ANGPT2: variants seen among roughly 807,000 people sequenced by gnomAD.
ANGPT2 encodes angiopoietin-2.
Under a neutral mutation model 62.9 loss-of-function variants are expected in ANGPT2, and 28 were observed. That is an observed-to-expected ratio of 0.44 (90% confidence interval 0.33 to 0.61). The LOEUF (loss-of-function observed/expected upper bound fraction) is 0.61. Ranked by LOEUF, ANGPT2 falls within the 20% of genes least tolerant of loss-of-function variation. ANGPT2 has a pLI of 0.03. For missense variants in ANGPT2, 727 were observed against 594.9 expected (o/e 1.22, Z -2.31); for synonymous variants, 284 against 207.8 (o/e 1.37, Z -3.15).
chr8:6,552,307 A>G (rs1428168705), intron 1 of ANGPT2, among the ~76,000 whole-genome samples: 2 of 152,232 alleles, frequency 1.3e-5, no homozygotes, highest in Non-Finnish European at 2.9e-5. Flanking sequence ...GAATGTGGCC[A>G]TATTCACGCA....
intron 4 of ANGPT2, among the ~76,000 whole-genome samples, 186 bp downstream of exon 4, chr8:6,520,992 G>A (rs1362427588): frequency 1.3e-5 from 2 of 152,102 alleles, no homozygotes; most frequent in Non-Finnish European, 2.9e-5. Flanking sequence ...TGGGGTGTTT[G>A]CTTCATAATA....
At chr8:6,537,009 C>A (rs1308709455) in intron 1 of ANGPT2, among the ~76,000 whole-genome samples, 1 of 150,878 alleles carries the variant, frequency 6.6e-6, no homozygotes, top group Non-Finnish European at 1.5e-5. Flanking sequence ...GTAAATAAGC[C>A]ATCCTCCACT....
intron 1 of ANGPT2, among the ~76,000 whole-genome samples, chr8:6,532,840 C>T (rs192755114): frequency 5.1e-3 from 781 of 152,292 alleles, no homozygotes; most frequent in Non-Finnish European, 7.1e-3. Flanking sequence ...TGTGTCTGTC[C>T]TACCCAGCTG....
At position 6,502,854 on chromosome 8, in the gene ANGPT2, C is replaced by A; in HGVS notation, c.*247G>T. On this transcript the variant is annotated 3_prime_UTR_variant, in exon 9 of 9. Coordinates refer to ENST00000629816, the MANE Select transcript of ANGPT2 (RefSeq NM_001118887.2). ...TCAGTCTGATTCTCAGCCTCGGGTT[C>A]ATCTTTGCATAGGTGTTCTGTCTAA... The A allele has an allele frequency of 2.2e-6, 1 of 457,588 alleles. No homozygotes were observed. The highest frequency in any genetic ancestry group is 3.6e-5 in the East Asian group (1 of 27,644). The allele number at this position is 457,588 out of a possible 1,614,324, so 28.3% of individuals were successfully genotyped here.
In ANGPT2 at chr8:6,542,445, T is replaced by G. The variant is rs59497319; in HGVS notation, c.289-9958A>C. 2.4e-3 allele frequency among the ~76,000 whole-genome samples: 371 copies of G among 152,176 alleles called. 1 individual carries two copies. The highest frequency in any genetic ancestry group is 8.1e-3 in the African/African-American group (337 of 41,504). ...GCTTGGTGGGCAATGGCGGGAGGCT[T>G]TAGACCCTGTAATATTGTCGGAGTG... is the stretch of plus-strand genomic sequence containing the variant. On this transcript the variant is annotated intron_variant, in intron 1 of 8. Coordinates refer to ENST00000629816, the MANE Select transcript of ANGPT2 (RefSeq NM_001118887.2).
At chr8:6,534,995 C>G (rs191816732) in intron 1 of ANGPT2, among the ~76,000 whole-genome samples, 288 of 152,268 alleles carry the variant, frequency 1.9e-3, no homozygotes, top group South Asian at 1.9e-3. Context: ...CACAGCACCC[C>G]AGCCAAGATA....
intron 1 of ANGPT2, among the ~76,000 whole-genome samples, chr8:6,555,034 T>C (rs755721320): frequency 2.0e-5 from 3 of 152,236 alleles, no homozygotes; most frequent in Non-Finnish European, 4.4e-5. Context: ...TTCCCCTTTT[T>C]TTTAAACCAC....
Position 6,514,714 on chromosome 8 carries a change from C to A in ANGPT2, c.992G>T (p.Ser331Ile). 6.2e-7 allele frequency: 1 copy of A among 1,614,132 alleles called. No homozygotes were observed. The highest frequency in any genetic ancestry group is 8.5e-7 in the Non-Finnish European group (1 of 1,180,016). ...TTTCCAAGTCCTCTGAAAATCAACG[C>A]TGCCATCCTCACGTCGCTGAATAAT... is the stretch of plus-strand genomic sequence containing the variant. ...WTIIQRREDGSVDFQRTWKEY... is the reference protein window; with the variant it reads ...WTIIQRREDGIVDFQRTWKEY... The change falls in exon 6 of 9, where the codon AGC becomes ATC. Residue 331 changes from serine to isoleucine, a missense_variant. Ser to Ile is a moderately radical substitution (Grantham distance 142, BLOSUM62 -2). Coordinates refer to ENST00000629816, the MANE Select transcript of ANGPT2 (RefSeq NM_001118887.2).
intron 2 of ANGPT2, 92 bp downstream of exon 2, chr8:6,532,240 T>G: frequency 2.1e-6 from 3 of 1,461,358 alleles, no homozygotes; most frequent in Non-Finnish European, 2.8e-6. Flanking sequence ...CTTTCTTTAG[T>G]TTCTCATGCC....
At chr8:6,503,364 T>C in intron 8 of ANGPT2, 103 bp from the exon 9 acceptor site, 1 of 1,204,114 alleles carries the variant, frequency 8.3e-7, no homozygotes, top group Non-Finnish European at 1.2e-6. Flanking sequence ...TGCAGGCGTG[T>C]GGAGTAGGCA....
chr8:6,559,415 T>A (rs1825169737), intron 1 of ANGPT2, among the ~76,000 whole-genome samples: 1 of 152,182 alleles, frequency 6.6e-6, no homozygotes, highest in Admixed American at 6.5e-5. Flanking sequence ...TCATATATTA[T>A]TAAAAAGATA....
At chr8:6,530,032 A>T (rs1474475745) in intron 2 of ANGPT2, among the ~76,000 whole-genome samples, 1 of 151,978 alleles carries the variant, frequency 6.6e-6, no homozygotes, top group African/African-American at 2.4e-5. Context: ...AATTTTTGCC[A>T]AGTTCCCATG....
chr8:6,506,245 A>G (rs1030016770), intron 8 of ANGPT2, among the ~76,000 whole-genome samples: 5 of 151,794 alleles, frequency 3.3e-5, no homozygotes, highest in African/African-American at 9.7e-5. Context: ...AGCTTGTCCA[A>G]CTAGAGAAGT....
chr8:6,547,839 C>G (rs1398288748), intron 1 of ANGPT2, among the ~76,000 whole-genome samples: 3 of 151,786 alleles, frequency 2.0e-5, no homozygotes, highest in Non-Finnish European at 4.4e-5. Flanking sequence ...AGAGGTTTTC[C>G]TATTGTTAGG....
At chr8:6,536,313 C>CA (rs1820488895) in intron 1 of ANGPT2, among the ~76,000 whole-genome samples, 1 of 152,160 alleles carries the variant, frequency 6.6e-6, no homozygotes, top group African/African-American at 2.4e-5. Context: ...CGCCTCACAT[C>CA]AGCACAGGTG....
intron 1 of ANGPT2, among the ~76,000 whole-genome samples, chr8:6,557,094 T>C (rs186565076): frequency 1.4e-3 from 218 of 152,344 alleles, no homozygotes; most frequent in African/African-American, 5.0e-3. Flanking sequence ...AATAACGCAC[T>C]TCTGCCCAAA....
intron 7 of ANGPT2, among the ~76,000 whole-genome samples, chr8:6,511,350 G>C (rs543337238): frequency 9.2e-5 from 14 of 152,104 alleles, no homozygotes; most frequent in African/African-American, 3.1e-4. Flanking sequence ...GTGGAGTAAA[G>C]AGGTAACATC....
At chr8:6,507,449 T>G (rs1482138627) in intron 8 of ANGPT2, 1 of 152,202 alleles carries the variant, frequency 6.6e-6, no homozygotes, top group Non-Finnish European at 1.5e-5. Flanking sequence ...CTTTCAGTGT[T>G]TTTCAAGAAC....
intron 3 of ANGPT2, among the ~76,000 whole-genome samples, chr8:6,524,470 T>TCA (rs758538310): frequency 5.1e-4 from 77 of 152,222 alleles, no homozygotes; most frequent in Non-Finnish European, 9.0e-4. Flanking sequence ...TGAAGCCTCC[T>TCA]GAGTCACTTT....
Sources: allele counts gnomAD v4.1 joint callset (sites outside exome capture counted in the v4.1 genomes callset), GRCh38; gene constraint gnomAD v4.1.1; transcripts MANE v1.5; gene names NCBI Gene and HGNC (gene_info 2026-07-23, HGNC 2026-07-21).